Variants in PDE10A observed in about 807,000 individuals in gnomAD.
PDE10A encodes phosphodiesterase 10A, also known as cAMP and cAMP-inhibited cGMP 3',5'-cyclic phosphodiesterase 10A.
In PDE10A, 39 loss-of-function variants were observed where a neutral mutation model predicts 97.7. That is an observed-to-expected ratio of 0.40 (90% confidence interval 0.31 to 0.52). PDE10A has a LOEUF of 0.52. PDE10A is among the 20% of genes least tolerant of loss of function. The probability of loss-of-function intolerance (pLI) is 0.56; values close to 1 mark genes in which losing one functional copy is unlikely to be tolerated. For synonymous variants in PDE10A, 371 were observed against 376.8 expected (o/e 0.98, Z 0.18); for missense variants, 731 against 1,047.8 (o/e 0.70, Z 4.17).
At position 165,963,212 on chromosome 6, in the gene PDE10A, C is replaced by A. The variant is rs566379796; in HGVS notation, c.-615+24317G>T. ...TCACATACACATATACACACTTACA[C>A]AAGAGAAGAGCAAATATGTTCTTAA... On this transcript the variant is annotated intron_variant, in intron 1 of 19. Coordinates refer to the PDE10A transcript ENST00000366882. Among the ~76,000 whole-genome samples, 7 of 152,330 alleles carry A rather than the reference C, an allele frequency of 4.6e-5. No homozygotes were observed. In the South Asian group the frequency reaches 1.2e-3, roughly 27 times the overall value.
intron 1 of PDE10A, among the ~76,000 whole-genome samples, chr6:165,901,189 G>A (rs982068241): frequency 4.6e-5 from 7 of 152,128 alleles, no homozygotes; most frequent in African/African-American, 1.2e-4. Context: ...TTTCTGTGGC[G>A]TCTCCAGCTC....
chr6:165,343,325 T>C (rs1782093854), intron 19 of PDE10A, 66 bp downstream of exon 19: 2 of 1,083,936 alleles, frequency 1.8e-6, no homozygotes, highest in East Asian at 4.8e-5. Flanking sequence ...AAAGTATTCT[T>C]AGCAATTGAT....
chr6:165,765,583 G>C (rs958186023), intron 1 of PDE10A, among the ~76,000 whole-genome samples: 1 of 147,834 alleles, frequency 6.8e-6, no homozygotes, highest in Non-Finnish European at 1.5e-5. Flanking sequence ...CTCCGAGTGC[G>C]GGGCCCGCCA....
At chr6:165,473,533 C>T (rs1217919267) in intron 3 of PDE10A, among the ~76,000 whole-genome samples, 2 of 152,028 alleles carry the variant, frequency 1.3e-5, no homozygotes, top group Non-Finnish European at 2.9e-5. Context: ...ACAACAAGGG[C>T]TTATATCACA....
intron 1 of PDE10A, among the ~76,000 whole-genome samples, chr6:165,770,163 C>CAAA (rs11442419): frequency 0.43 from 54,084 of 127,174 alleles, 11,506 homozygotes; most frequent in African/African-American, 0.52. Context: ...TGCAAAAGGG[C>CAAA]AAAAAAAAAA....
rs768039721 is a variant in PDE10A at position 165,819,390 on chromosome 6, C to T, written c.-615+168139G>A. ...CATCCTCAGCTCCTGTTGCCTGATG[C>T]AGTTGCCGACCCCACCTCCTGCACT... is the stretch of plus-strand genomic sequence containing the variant. On this transcript the variant is annotated intron_variant, in intron 1 of 19. Transcript: ENST00000366882. The surrounding 1 kb of genome is among the most constrained non-coding windows in gnomAD (Gnocchi z 4.2). Among the ~76,000 whole-genome samples, 6 of 152,228 alleles carry T rather than the reference C, an allele frequency of 3.9e-5. No individual in the cohort carries two copies. The highest frequency in any genetic ancestry group is 6.5e-5 in the Admixed American group (1 of 15,284).
chr6:165,570,493 T>G (rs886068148), intron 1 of PDE10A, among the ~76,000 whole-genome samples: 1 of 152,212 alleles, frequency 6.6e-6, no homozygotes, highest in African/African-American at 2.4e-5. Flanking sequence ...ACAATTTACA[T>G]GATTTTGCTT....
chr6:165,741,368 T>G (rs1034496393), intron 1 of PDE10A, among the ~76,000 whole-genome samples: 1 of 152,206 alleles, frequency 6.6e-6, no homozygotes, highest in African/African-American at 2.4e-5. Flanking sequence ...GTCTTATTAT[T>G]ATTACAATTA....
intron 1 of PDE10A, among the ~76,000 whole-genome samples, chr6:165,738,681 C>A (rs1792644069): frequency 6.6e-6 from 1 of 151,794 alleles, no homozygotes; most frequent in African/African-American, 2.4e-5. Flanking sequence ...CCTGTTGTTT[C>A]CTGACTTTTT....
intron 2 of PDE10A, among the ~76,000 whole-genome samples, chr6:165,535,813 G>GA (rs1226143718): frequency 1.3e-5 from 2 of 151,660 alleles, no homozygotes; most frequent in Non-Finnish European, 3.0e-5. Flanking sequence ...AAACATTGAT[G>GA]AAAAAAACTG....
intron 1 of PDE10A, among the ~76,000 whole-genome samples, chr6:165,679,513 C>T (rs1308266772): frequency 6.6e-6 from 1 of 152,232 alleles, no homozygotes; most frequent in Non-Finnish European, 1.5e-5. Flanking sequence ...CCGCCCCCTC[C>T]TCCTGACAGG....
At position 165,543,515 on chromosome 6, in the gene PDE10A, C is replaced by A; in HGVS notation, c.919G>T (p.Asp307Tyr). Residue 307 changes from aspartate (D) to tyrosine (Y), a missense_variant, in exon 2 of 22, where the codon GAT becomes TAT. By Grantham distance (160) the Asp-to-Tyr change is radical. Coordinates refer to ENST00000539869, the MANE Select transcript of PDE10A (RefSeq NM_001385079.1). The part of the protein sequence containing the change: ...AYLSLHPQVL[D>Y]EFVSESVSAE... The stretch of plus-strand genomic sequence containing the variant: ...CTAACACTTTCAGATACAAATTCAT[C>A]TAATACCTGGGGGTGAAGAGAAAGA... The A allele has an allele frequency of 6.2e-7, 1 of 1,611,742 alleles. No homozygotes were observed. The highest frequency in any genetic ancestry group is 8.5e-7 in the Non-Finnish European group (1 of 1,178,338).
chr6:165,631,528 C>G (rs796862322), intron 1 of PDE10A, among the ~76,000 whole-genome samples: 3 of 152,074 alleles, frequency 2.0e-5, no homozygotes, highest in Non-Finnish European at 4.4e-5. Flanking sequence ...GTGATTTCCT[C>G]CAAAAATGAA....
chr6:165,602,228 C>T (rs565917750), intron 1 of PDE10A, among the ~76,000 whole-genome samples: 6 of 152,286 alleles, frequency 3.9e-5, no homozygotes, highest in East Asian at 3.9e-4. Context: ...AAACAAGCCC[C>T]GCTGATCCCC....
chr6:165,587,495 A>C (rs1162270046), intron 1 of PDE10A, among the ~76,000 whole-genome samples: 1 of 152,196 alleles, frequency 6.6e-6, no homozygotes, highest in Non-Finnish European at 1.5e-5. Flanking sequence ...CTAAACAGAC[A>C]AAGGAATTAC....
intron 1 of PDE10A, among the ~76,000 whole-genome samples, chr6:165,758,527 A>AGAAGAAGAAGAGGAAGAG (rs1554317323): frequency 2.0e-4 from 28 of 140,636 alleles, no homozygotes; most frequent in Admixed American, 1.5e-4. Flanking sequence ...AAGAAGAAGA[A>AGAAGAAGAAGAGGAAGAG]GAAGAGGAAG....
intron 1 of PDE10A, among the ~76,000 whole-genome samples, chr6:165,799,989 C>T (rs1778940855): frequency 6.6e-6 from 1 of 152,174 alleles, no homozygotes; most frequent in Non-Finnish European, 1.5e-5. Context: ...CTTATGAGCA[C>T]ATATTAAAGA....
chr6:165,407,697 T>C (rs1787319678), intron 13 of PDE10A, among the ~76,000 whole-genome samples: 1 of 152,252 alleles, frequency 6.6e-6, no homozygotes, highest in Non-Finnish European at 1.5e-5. Flanking sequence ...AATGTCTTTC[T>C]ATCCAAAATG....
At chr6:165,570,345 A>G (rs1240965523) in intron 1 of PDE10A, among the ~76,000 whole-genome samples, 5 of 152,240 alleles carry the variant, frequency 3.3e-5, no homozygotes, top group Non-Finnish European at 5.9e-5. Flanking sequence ...TAGCATTACC[A>G]TGTTCCTAAT....
Sources: gnomAD v4.1 joint callset for allele counts (sites outside exome capture counted in the v4.1 genomes callset) on GRCh38, gnomAD v4.1.1 for gene constraint, Gnocchi (gnomAD v3.1) non-coding constraint, MANE v1.5 for transcripts, NCBI Gene and HGNC (gene_info 2026-07-23, HGNC 2026-07-21) for gene names.